The following PHF14 variants were observed in gnomAD, a reference collection of about 807,000 sequenced individuals.
PHF14 encodes PHD finger protein 14.
A neutral mutation model predicts 117.9 loss-of-function variants in PHF14; 55 were observed. The ratio of observed to expected loss-of-function variants is 0.47; its 90% CI spans 0.38 to 0.58. The LOEUF (loss-of-function observed/expected upper bound fraction) is 0.58. Among genes scored for constraint, PHF14 ranks in the 20% least tolerant of loss-of-function variants. The pLI, the probability that PHF14 is intolerant of heterozygous loss-of-function variation, is 0.00. For synonymous variants in PHF14, 409 were observed against 368.6 expected, an observed-to-expected ratio of 1.11 and a Z score of -1.26; for missense variants, 978 against 1,122.2, an observed-to-expected ratio of 0.87 and a Z score of 1.84.
intron 3 of PHF14, among the ~76,000 whole-genome samples, chr7:10,986,544 G>A (rs1782232917): frequency 1.3e-5 from 2 of 152,186 alleles, no homozygotes; most frequent in Non-Finnish European, 2.9e-5. Flanking sequence ...CTTGAGAACT[G>A]CTGCTCTAGA....
chr7:11,048,869 C>T (rs1360656803), intron 13 of PHF14, among the ~76,000 whole-genome samples: 3 of 146,402 alleles, frequency 2.0e-5, no homozygotes, highest in Non-Finnish European at 4.5e-5. Context: ...TTGGCAGTTA[C>T]ATTTGTTTTG....
chr7:11,135,694 C>G (rs778046177), intron 17 of PHF14, among the ~76,000 whole-genome samples: 3 of 152,026 alleles, frequency 2.0e-5, no homozygotes, highest in African/African-American at 7.2e-5. Flanking sequence ...AATTCATTGC[C>G]GTGGTTATAT....
intron 4 of PHF14, among the ~76,000 whole-genome samples, chr7:11,002,352 A>G (rs1303587823): frequency 2.0e-5 from 3 of 152,276 alleles, no homozygotes; most frequent in Non-Finnish European, 4.4e-5. Flanking sequence ...GGGGAGCCAG[A>G]GCAATGTAGA....
At chr7:11,010,298 T>A (rs1044668464) in intron 4 of PHF14, among the ~76,000 whole-genome samples, 6 of 152,138 alleles carry the variant, frequency 3.9e-5, no homozygotes, top group Non-Finnish European at 8.8e-5. Context: ...TATTTCCTTT[T>A]AATTTTATGA....
chr7:11,067,704 T>C (rs1269255495), intron 16 of PHF14, among the ~76,000 whole-genome samples: 1 of 152,200 alleles, frequency 6.6e-6, no homozygotes, highest in Non-Finnish European at 1.5e-5. Context: ...ATTCTCATTG[T>C]TGGGAAGCTC....
chr7:11,141,649 G>C (rs1041703455), intron 17 of PHF14, among the ~76,000 whole-genome samples: 1 of 152,048 alleles, frequency 6.6e-6, no homozygotes, highest in Non-Finnish European at 1.5e-5. Flanking sequence ...CCACAGGGAA[G>C]TTTTATCTTA....
intron 6 of PHF14, among the ~76,000 whole-genome samples, chr7:11,026,685 C>T (rs757654864): frequency 1.3e-4 from 19 of 146,760 alleles, no homozygotes; most frequent in Non-Finnish European, 2.5e-4. Flanking sequence ...GTTACGTTAT[C>T]TGATGTCTAG....
chr7:11,009,035 CAAAAAAA>C (rs35700406), intron 4 of PHF14, among the ~76,000 whole-genome samples: 1 of 101,532 alleles, frequency 9.8e-6, no homozygotes, highest in African/African-American at 4.1e-5. Flanking sequence ...GACTCTGTCT[CAAAAAAA>C]AAAAAAAAAA....
intron 17 of PHF14, among the ~76,000 whole-genome samples, chr7:11,149,252 C>T (rs1788640009): frequency 6.6e-6 from 1 of 151,998 alleles, no homozygotes; most frequent in Non-Finnish European, 1.5e-5. Flanking sequence ...TTTTAACATG[C>T]TTGATTTGCC....
chr7:11,003,437 C>A (rs1180298658), intron 4 of PHF14, among the ~76,000 whole-genome samples: 1 of 151,976 alleles, frequency 6.6e-6, no homozygotes. Context: ...GTTTGTCTTC[C>A]TGTTATTTGG....
At chr7:11,164,499 G>C (rs1032673065) in intron 17 of PHF14, among the ~76,000 whole-genome samples, 2 of 152,184 alleles carry the variant, frequency 1.3e-5, no homozygotes, top group Non-Finnish European at 2.9e-5. Flanking sequence ...GTATATTTCA[G>C]TGTAGAGGCT....
chr7:11,008,344 A>G (rs982192987), intron 4 of PHF14, among the ~76,000 whole-genome samples: 4 of 152,270 alleles, frequency 2.6e-5, no homozygotes, highest in East Asian at 1.9e-4. Context: ...GCTTTAGGAC[A>G]GGGGTCCCCA....
At chr7:11,005,671 C>A (rs570049177) in intron 4 of PHF14, among the ~76,000 whole-genome samples, 1 of 151,972 alleles carries the variant, frequency 6.6e-6, no homozygotes, top group Admixed American at 6.5e-5. Context: ...ATGGCTCAAC[C>A]ATAATGTACT....
Position 11,079,079 on chromosome 7 carries a change from G to A in PHF14, c.2654+16994G>A, listed in dbSNP as rs555394007. On this transcript the variant is annotated intron_variant, in intron 16 of 17. Coordinates refer to ENST00000634607, the MANE Select transcript of PHF14 (RefSeq NM_001007157.2). ...AATTACATTTATCCTAAACTAAGAT[G>A]AATTAAGGTTATCAGTTTTTGAATG... Among the ~76,000 whole-genome samples, 31 of 152,204 alleles carry A rather than the reference G, an allele frequency of 2.0e-4. No individual in the cohort carries two copies. In the South Asian group the frequency reaches 6.2e-3, roughly 31 times the overall value.
chr7:11,122,378 CACACACAT>C (rs1266723489), intron 17 of PHF14, among the ~76,000 whole-genome samples: 1 of 114,246 alleles, frequency 8.8e-6, no homozygotes, highest in Non-Finnish European at 1.8e-5. Flanking sequence ...CACACACACA[CACACACAT>C]ACATACACAC....
intron 2 of PHF14, among the ~76,000 whole-genome samples, chr7:10,977,825 T>C (rs1402684275): frequency 1.3e-5 from 2 of 152,190 alleles, no homozygotes; most frequent in African/African-American, 2.4e-5. Context: ...CAGTCAAATA[T>C]TAGCAATTTC....
intron 17 of PHF14, among the ~76,000 whole-genome samples, chr7:11,145,955 C>T (rs1488036751): frequency 1.3e-5 from 2 of 151,882 alleles, no homozygotes; most frequent in African/African-American, 2.4e-5. Context: ...AAAGCAATGG[C>T]AGATAACTCT....
intron 2 of PHF14, 96 bp downstream of exon 2, chr7:10,975,041 A>C: frequency 1.4e-6 from 1 of 701,812 alleles, no homozygotes; most frequent in Non-Finnish European, 2.5e-6. Flanking sequence ...TGCCAATTTT[A>C]AGTGAAAGCA....
At chr7:11,106,799 C>T (rs1486567553) in intron 16 of PHF14, 1 of 984,106 alleles carries the variant, frequency 1.0e-6, no homozygotes, top group East Asian at 1.1e-4. Flanking sequence ...AAATCCAACC[C>T]ATCAGTTCTC....
Sources: gnomAD v4.1 joint callset for allele counts (sites outside exome capture counted in the v4.1 genomes callset) on GRCh38, gnomAD v4.1.1 for gene constraint, MANE v1.5 for transcripts, NCBI Gene and HGNC (gene_info 2026-07-23, HGNC 2026-07-21) for gene names.